PSG4: variants seen among roughly 807,000 people sequenced by gnomAD.
PSG4 encodes pregnancy-specific beta-1-glycoprotein 4.
Under a neutral mutation model 44.3 loss-of-function variants are expected in PSG4, and 61 were observed. The observed-to-expected ratio is 1.38, with a 90% CI of 1.12 to 1.70. The LOEUF (loss-of-function observed/expected upper bound fraction) is 1.70, where lower values mean the gene tolerates loss of function less well. Ranked by LOEUF, PSG4 falls within the 40% of genes most tolerant of loss-of-function variation. The probability of loss-of-function intolerance (pLI) is 0.00; values close to 1 mark genes in which losing one functional copy is unlikely to be tolerated. For synonymous variants in PSG4, 248 were observed against 191.3 expected, an observed-to-expected ratio of 1.30 and a Z score of -2.45; for missense variants, 677 against 511.7, an observed-to-expected ratio of 1.32 and a Z score of -3.12.
Position 43,204,137 on chromosome 19 carries a change from TG to T in PSG4, c.178del (p.Gln60ArgfsTer13), listed in dbSNP as rs959583572. The T allele has an allele frequency of 6.3e-7, 1 of 1,587,494 alleles. No individual in the cohort carries two copies. The highest frequency in any genetic ancestry group is 8.5e-7 in the Non-Finnish European group (1 of 1,171,734). The part of the protein sequence containing the change: ...DVLLLVHNLP[Q>X]NLAGYIWYKG... ...GTACCAAATGTAGCCAGCAAGATTCTGGGGCAAATTGTGGACAAGTAGAAGA... is the reference window on the plus strand; with the variant it reads ...GTACCAAATGTAGCCAGCAAGATTCTGGGCAAATTGTGGACAAGTAGAAGA... On this transcript the variant is annotated frameshift_variant, in exon 2 of 6. Coordinates refer to ENST00000405312, the MANE Select transcript of PSG4 (RefSeq NM_002780.5). LOFTEE classifies it high-confidence loss of function.
chr19:43,194,658 T>C, intron 4 of PSG4, 64 bp from the exon 5 acceptor site: 1 of 1,559,374 alleles, frequency 6.4e-7, no homozygotes, highest in African/African-American at 1.4e-5. Context: ...TCCTGGTCTC[T>C]TAAAGGGACA....
chr19:43,193,543 T>C, intron 5 of PSG4, 155 bp from the exon 6 acceptor site: 2 of 648,560 alleles, frequency 3.1e-6, no homozygotes, highest in Non-Finnish European at 5.5e-6. Context: ...GTTTGCAAAA[T>C]AGGTTGAGTT....
intron 2 of PSG4, among the ~76,000 whole-genome samples, chr19:43,201,387 T>A (rs1967503036): frequency 6.9e-6 from 1 of 145,874 alleles, no homozygotes; most frequent in Admixed American, 6.8e-5. Flanking sequence ...ATGTAATCCC[T>A]GACTGCTCCA....
chr19:43,201,862 T>C (rs1333946345), intron 2 of PSG4, among the ~76,000 whole-genome samples: 1 of 144,058 alleles, frequency 6.9e-6, no homozygotes, highest in Non-Finnish European at 1.5e-5. Flanking sequence ...GAAGAACTTG[T>C]CTGGCAATTA....
chr19:43,201,819 T>TTGTGTGTGTGTGTG (rs57230870), intron 2 of PSG4, among the ~76,000 whole-genome samples: 1 of 139,436 alleles, frequency 7.2e-6, no homozygotes, highest in African/African-American at 2.8e-5. Context: ...TTCAATAATT[T>TTGTGTGTGTGTGTG]TGTGTGTGTG....
intron 2 of PSG4, 52 bp from the exon 3 acceptor site, chr19:43,198,327 C>G: frequency 6.5e-7 from 1 of 1,547,832 alleles, no homozygotes; most frequent in Non-Finnish European, 8.7e-7. Context: ...TTGATTCTTC[C>G]AAAGGCATTT....
chr19:43,201,679 C>G (rs1280788708), intron 2 of PSG4, among the ~76,000 whole-genome samples: 3 of 145,176 alleles, frequency 2.1e-5, no homozygotes, highest in Non-Finnish European at 4.5e-5. Flanking sequence ...GTCCTGTGAC[C>G]CTGAAACTGT....
chr19:43,196,229 C>G (rs977680346), intron 3 of PSG4, among the ~76,000 whole-genome samples: 5 of 151,614 alleles, frequency 3.3e-5, no homozygotes, highest in Admixed American at 6.6e-5. Flanking sequence ...ATTCTACTCT[C>G]TGATTCCCTG....
chr19:43,197,571 A>G (rs1967305047), intron 3 of PSG4, among the ~76,000 whole-genome samples: 1 of 137,774 alleles, frequency 7.3e-6, no homozygotes, highest in African/African-American at 2.9e-5. Context: ...TGTATGAGGA[A>G]GAAATGGTGG....
rs1175919764 is a variant in PSG4, at chr19:43,205,359, A to T, written c.64+114T>A. ...CCTGATCTCCTGATCCACCCAACTC[A>T]GCCTCCCAAAGTGCTGGCTTCTTTC... is the stretch of plus-strand genomic sequence containing the variant. On this transcript the variant is annotated intron_variant, in intron 1 of 5. Transcript: ENST00000405312. 6.1e-5 allele frequency: 77 copies of T among 1,265,480 alleles called. 3 individuals are homozygous for T. The highest frequency in any genetic ancestry group is 7.8e-5 in the Non-Finnish European group (73 of 932,658). 78.4% of individuals were successfully genotyped at this position (1,265,480 alleles called of 1,614,324 possible).
intron 2 of PSG4, among the ~76,000 whole-genome samples, chr19:43,202,654 G>A (rs1259248827): frequency 6.9e-6 from 1 of 144,212 alleles, no homozygotes; most frequent in African/African-American, 2.7e-5. Context: ...TGGGCACTTT[G>A]GGAAACACAG....
In PSG4 at chr19:43,194,431, T is replaced by C; in HGVS notation, c.1152A>G (p.Ile384Met). 6.2e-7 allele frequency: 1 copy of C among 1,612,402 alleles called. No individual in the cohort carries two copies. The highest frequency in any genetic ancestry group is 8.5e-7 in the Non-Finnish European group (1 of 1,179,118). ...LSGQKLSIPQ[I>M]TTKHSGLYAC... ...CATAGAGCCCACTATGCTTTGTAGTTATTTGGGGGATAGAGAGCTTTTGTC... is the reference window on the plus strand; with the variant it reads ...CATAGAGCCCACTATGCTTTGTAGTCATTTGGGGGATAGAGAGCTTTTGTC... Residue 384 changes from isoleucine (I) to methionine (M), a missense_variant, in exon 5 of 6, where the codon ATA becomes ATG. Transcript: ENST00000405312.
chr19:43,204,420 T>G, intron 1 of PSG4, 169 bp from the exon 2 acceptor site: 2 of 942,080 alleles, frequency 2.1e-6, no homozygotes, highest in Non-Finnish European at 3.0e-6. Context: ...TGTCCTACTG[T>G]CCCACTAGGT....
intron 2 of PSG4, among the ~76,000 whole-genome samples, chr19:43,200,073 G>A (rs1967433963): frequency 1.4e-5 from 2 of 145,622 alleles, no homozygotes; most frequent in Admixed American, 6.8e-5. Context: ...TAGGAAAAAT[G>A]GGGAGGACCC....
Position 43,204,139 on chromosome 19 carries a change from G to T in PSG4, c.177C>A (p.Pro59=). The change falls in exon 2 of 6, where the codon CCC becomes CCA. Residue 59 remains proline, a synonymous_variant. Transcript: ENST00000405312. The part of the protein sequence containing the change: ...KDVLLLVHNL[P]QNLAGYIWYK... ...ACCAAATGTAGCCAGCAAGATTCTG[G>T]GGCAAATTGTGGACAAGTAGAAGAA... 6.3e-7 allele frequency: 1 copy of T among 1,587,330 alleles called. No homozygotes were observed. Among genetic ancestry groups the T allele is most frequent in the Non-Finnish European group, 8.5e-7 (1 of 1,171,680 alleles).
intron 2 of PSG4, among the ~76,000 whole-genome samples, chr19:43,200,310 C>T (rs1967446326): frequency 1.4e-5 from 2 of 144,998 alleles, no homozygotes; most frequent in African/African-American, 2.7e-5. Flanking sequence ...TCACCTCCAA[C>T]TGGTCCGCAA....
chr19:43,194,306 A>C (rs1449879865), intron 5 of PSG4, 34 bp downstream of exon 5: 2 of 1,611,868 alleles, frequency 1.2e-6, no homozygotes, highest in African/African-American at 1.3e-5. Flanking sequence ...CTCCACCTAA[A>C]TCCCTATTGC....
At chr19:43,201,650 G>T (rs1967514315) in intron 2 of PSG4, among the ~76,000 whole-genome samples, 1 of 144,810 alleles carries the variant, frequency 6.9e-6, no homozygotes, top group Admixed American at 6.9e-5. Context: ...ACCAAAAAAT[G>T]AGCAGTACTC....
intron 2 of PSG4, chr19:43,203,107 T>TG (rs1034289223): frequency 4.8e-5 from 7 of 145,116 alleles, no homozygotes; most frequent in African/African-American, 1.9e-4. Context: ...ACAGTGGAGG[T>TG]TTCACACAAA....
Sources: allele counts gnomAD v4.1 joint callset (sites outside exome capture counted in the v4.1 genomes callset), GRCh38; gene constraint gnomAD v4.1.1; transcripts MANE v1.5; gene names NCBI Gene and HGNC (gene_info 2026-07-23, HGNC 2026-07-21).